Variants in DAPK1 observed in about 807,000 individuals in gnomAD.
DAPK1 encodes the protein death-associated protein kinase 1.
A neutral mutation model predicts 144.9 loss-of-function variants in DAPK1; 56 were observed. The ratio of observed to expected loss-of-function variants is 0.39; its 90% confidence interval spans 0.31 to 0.48. DAPK1 has a LOEUF of 0.48. Ranked by LOEUF, DAPK1 falls within the 20% of genes least tolerant of loss-of-function variation. The pLI is 0.95. For synonymous variants in DAPK1, 690 were observed against 749.0 expected, an observed-to-expected ratio of 0.92 and a Z score of 1.29; for missense variants, 1,454 against 1,875.4, an observed-to-expected ratio of 0.78 and a Z score of 4.15.
At chr9:87,514,695 A>C (rs1824979665) in intron 2 of DAPK1, among the ~76,000 whole-genome samples, 1 of 152,242 alleles carries the variant, frequency 6.6e-6, no homozygotes, top group Non-Finnish European at 1.5e-5. Flanking sequence ...TAAATGTAAC[A>C]GATACAAAGA....
chr9:87,581,159 A>G (rs1212775219), intron 2 of DAPK1, among the ~76,000 whole-genome samples: 1 of 152,192 alleles, frequency 6.6e-6, no homozygotes, highest in Non-Finnish European at 1.5e-5. Flanking sequence ...TGTTCAGACT[A>G]AGCTCCAAAA....
At position 87,634,544 on chromosome 9, in the gene DAPK1, A is replaced by G. The variant is rs1829820218; in HGVS notation, c.285-3399A>G. On this transcript the variant is annotated intron_variant, in intron 3 of 25. Transcript: ENST00000408954. ...GCAAAATCACTTGTGCCATTGGTCAAAGTGATCATGGGGCCTGCCCAGATT... is the reference window on the plus strand; with the variant it reads ...GCAAAATCACTTGTGCCATTGGTCAGAGTGATCATGGGGCCTGCCCAGATT... Among the ~76,000 whole-genome samples, 2 of 152,206 alleles carry G rather than the reference A, an allele frequency of 1.3e-5. 1 individual carries two copies. Among genetic ancestry groups the G allele is most frequent in the African/African-American group, 4.8e-5 (2 of 41,450 alleles).
chr9:87,623,105 T>G (rs1829362512), intron 3 of DAPK1, among the ~76,000 whole-genome samples: 1 of 152,142 alleles, frequency 6.6e-6, no homozygotes, highest in Non-Finnish European at 1.5e-5. Context: ...GCACAATTGT[T>G]TATTATGCTG....
At chr9:87,500,049 T>C (rs1468575203) in intron 2 of DAPK1, among the ~76,000 whole-genome samples, 1 of 152,228 alleles carries the variant, frequency 6.6e-6, no homozygotes, top group African/African-American at 2.4e-5. Flanking sequence ...ATATGTGCAT[T>C]GAAATATGTA....
At chr9:87,663,961 C>T (rs969999063) in intron 18 of DAPK1, among the ~76,000 whole-genome samples, 7 of 152,038 alleles carry the variant, frequency 4.6e-5, no homozygotes, top group Admixed American at 6.5e-5. Flanking sequence ...ACGAAGCACC[C>T]GCCTCTCCAG....
At chr9:87,527,437 G>A (rs1254398632) in intron 2 of DAPK1, among the ~76,000 whole-genome samples, 1 of 152,138 alleles carries the variant, frequency 6.6e-6, no homozygotes. Flanking sequence ...TGCTTCCATT[G>A]TTACTCACCG....
chr9:87,586,109 G>A (rs190393548), intron 2 of DAPK1, among the ~76,000 whole-genome samples: 4 of 152,192 alleles, frequency 2.6e-5, no homozygotes, highest in Non-Finnish European at 2.9e-5. Flanking sequence ...GCAATATGGT[G>A]AAACCCCACC....
At chr9:87,509,942 G>A (rs1276216374) in intron 2 of DAPK1, among the ~76,000 whole-genome samples, 1 of 152,186 alleles carries the variant, frequency 6.6e-6, no homozygotes, top group South Asian at 2.1e-4. Context: ...CGGCCAGGCC[G>A]CTTTTGCCCT....
In DAPK1 at chr9:87,570,899, C is replaced by T. The variant is rs139769658; in HGVS notation, c.63-34055C>T. On this transcript the variant is annotated intron_variant, in intron 2 of 25. Coordinates refer to ENST00000408954, the MANE Select transcript of DAPK1 (RefSeq NM_004938.4). ...ATGCTCAGTTTGCTTCCCTTGCTTA[C>T]ATGTGGAACTGACCCCTAACTGTGC... Among the ~76,000 whole-genome samples the T allele has an allele frequency of 2.8e-3, 430 of 152,218 alleles. 4 individuals are homozygous for T. The highest frequency in any genetic ancestry group is 0.01 in the African/African-American group (421 of 41,524).
intron 2 of DAPK1, among the ~76,000 whole-genome samples, chr9:87,533,293 G>A (rs1372756110): frequency 6.6e-6 from 1 of 152,250 alleles, no homozygotes; most frequent in African/African-American, 2.4e-5. Context: ...CCAGTGCTTA[G>A]GCACCAGACC....
chr9:87,575,213 C>CAGTAA (rs1195509670), intron 2 of DAPK1, among the ~76,000 whole-genome samples: 4 of 131,316 alleles, frequency 3.0e-5, no homozygotes, highest in Non-Finnish European at 6.6e-5. Flanking sequence ...GACTCCATCT[C>CAGTAA]AATAAAATAA....
At chr9:87,677,562 G>A (rs1408169606) in intron 19 of DAPK1, among the ~76,000 whole-genome samples, 3 of 152,182 alleles carry the variant, frequency 2.0e-5, no homozygotes, top group African/African-American at 7.2e-5. Context: ...CCAAAATGGG[G>A]GCACCCGGGA....
intron 17 of DAPK1, among the ~76,000 whole-genome samples, chr9:87,652,967 C>A (rs80197706): frequency 1.5e-5 from 2 of 133,484 alleles, no homozygotes; most frequent in African/African-American, 2.7e-5. Flanking sequence ...CCCACCTGAT[C>A]CCAGGTCCTG....
chr9:87,641,400 A>G (rs1252393737), intron 9 of DAPK1, among the ~76,000 whole-genome samples: 1 of 152,194 alleles, frequency 6.6e-6, no homozygotes, highest in Non-Finnish European at 1.5e-5. Context: ...TAGTTACAGA[A>G]TAAAATCATG....
At chr9:87,669,345 G>T (rs375171527) in intron 19 of DAPK1, among the ~76,000 whole-genome samples, 2 of 50,178 alleles carry the variant, frequency 4.0e-5, no homozygotes, top group Non-Finnish European at 6.2e-5. Context: ...GCTTGGGGTG[G>T]GGGGGGGTCA....
intron 18 of DAPK1, 52 bp downstream of exon 18, chr9:87,658,179 G>T: frequency 1.4e-6 from 1 of 736,260 alleles, no homozygotes; most frequent in Non-Finnish European, 2.4e-6. Flanking sequence ...AGCCTCTGGC[G>T]CCTCCAGGGC....
chr9:87,598,755 C>T (rs1324584684), intron 2 of DAPK1, among the ~76,000 whole-genome samples: 1 of 152,198 alleles, frequency 6.6e-6, no homozygotes, highest in Non-Finnish European at 1.5e-5. Context: ...CTGGATTAAA[C>T]AAAAGTTAAA....
At chr9:87,652,356 G>C (rs1830477810) in intron 17 of DAPK1, among the ~76,000 whole-genome samples, 1 of 99,746 alleles carries the variant, frequency 1.0e-5, no homozygotes, top group African/African-American at 4.1e-5. Flanking sequence ...TCCTGATTCT[G>C]TGTCCTCCCA....
At chr9:87,571,498 A>AC (rs1554684284) in intron 2 of DAPK1, among the ~76,000 whole-genome samples, 2,531 of 46,358 alleles carry the variant, frequency 0.055, 452 homozygotes, top group East Asian at 0.12. Flanking sequence ...CACACACCCC[A>AC]ACACACACAC....
Sources: gnomAD v4.1 joint callset for allele counts (sites outside exome capture counted in the v4.1 genomes callset) on GRCh38, gnomAD v4.1.1 for gene constraint, MANE v1.5 for transcripts, NCBI Gene and HGNC (gene_info 2026-07-23, HGNC 2026-07-21) for gene names.